Variants in CSNK2A2 observed in about 807,000 individuals in gnomAD.
The protein encoded by CSNK2A2 is casein kinase II subunit alpha'.
In CSNK2A2, 8 loss-of-function variants were observed where a neutral mutation model predicts 54.0. The observed-to-expected ratio is 0.15, with a 90% CI of 0.09 to 0.27. CSNK2A2 has a LOEUF of 0.27. Ranked by LOEUF, CSNK2A2 falls within the 10% of genes least tolerant of loss-of-function variation. The probability of loss-of-function intolerance (pLI) is 1.00; values close to 1 mark genes in which losing one functional copy is unlikely to be tolerated. For synonymous variants in CSNK2A2, 141 were observed against 153.9 expected (o/e 0.92, Z 0.62); for missense variants, 242 against 439.4 (o/e 0.55, Z 4.02).
At chr16:58,177,984 A>G (rs1961924639) in intron 4 of CSNK2A2, among the ~76,000 whole-genome samples, 1 of 152,226 alleles carries the variant, frequency 6.6e-6, no homozygotes, top group African/African-American at 2.4e-5. Flanking sequence ...TTTTCCTACA[A>G]GGAAATGACA....
intron 11 of CSNK2A2, chr16:58,162,922 A>G (rs2142405157): frequency 6.6e-6 from 1 of 152,270 alleles, no homozygotes; most frequent in Middle Eastern, 3.4e-3. Flanking sequence ...CTGCCCACAC[A>G]ACTCTAGTAC....
At chr16:58,187,808 A>G (rs1962228142) in intron 2 of CSNK2A2, among the ~76,000 whole-genome samples, 1 of 152,254 alleles carries the variant, frequency 6.6e-6, no homozygotes. Context: ...AAGATCACAG[A>G]GCCCATGGCA....
At chr16:58,173,782 C>G (rs1961802809) in intron 5 of CSNK2A2, among the ~76,000 whole-genome samples, 1 of 152,212 alleles carries the variant, frequency 6.6e-6, no homozygotes, top group South Asian at 2.1e-4. Flanking sequence ...CTTTTCCCAT[C>G]AAGAGTGGAG....
At chr16:58,180,461 A>G (rs1962007383) in intron 4 of CSNK2A2, among the ~76,000 whole-genome samples, 2 of 151,984 alleles carry the variant, frequency 1.3e-5, no homozygotes, top group African/African-American at 4.8e-5. Flanking sequence ...AATAAAATAT[A>G]TATTATCCAA....
chr16:58,168,088 T>C (rs963222206), intron 6 of CSNK2A2, among the ~76,000 whole-genome samples: 1 of 152,178 alleles, frequency 6.6e-6, no homozygotes, highest in Non-Finnish European at 1.5e-5. Flanking sequence ...CAGTTACACT[T>C]GGTAACACAT....
At position 58,197,124 on chromosome 16, in the gene CSNK2A2, G is replaced by A. The variant is rs1340827946; in HGVS notation, c.105-280C>T. 1 of 414,908 alleles carries A rather than the reference G, an allele frequency of 2.4e-6. No homozygotes were observed. The highest frequency in any genetic ancestry group is 4.6e-5 in the East Asian group (1 of 21,650). 25.7% of individuals were successfully genotyped at this position (414,908 alleles called of 1,614,324 possible). A position where few individuals can be genotyped will look rare whatever the true frequency, so the allele number is the denominator to read the frequency against. Reference sequence around the variant, plus strand: ...GGCGAGCAAAGCACCCGTCCTGAAGGCCTAGAGGGTGCCCCCTGTGCCCCG... The same window carrying A: ...GGCGAGCAAAGCACCCGTCCTGAAGACCTAGAGGGTGCCCCCTGTGCCCCG... On this transcript the variant is annotated intron_variant, in intron 1 of 11. Coordinates refer to ENST00000262506, the MANE Select transcript of CSNK2A2 (RefSeq NM_001896.4). This position sits in a 1 kb window ranked among gnomAD's most constrained non-coding sequence, Gnocchi z 4.0.
At chr16:58,188,195 C>A (rs535607922) in intron 2 of CSNK2A2, among the ~76,000 whole-genome samples, 90 of 152,166 alleles carry the variant, frequency 5.9e-4, no homozygotes, top group Non-Finnish European at 1.2e-3. Flanking sequence ...TAACAGGGGG[C>A]TCAACTGACA....
At chr16:58,167,842 G>A (rs367693593) in intron 6 of CSNK2A2, 47 bp from the exon 7 acceptor site, 6 of 1,456,080 alleles carry the variant, frequency 4.1e-6, no homozygotes, top group East Asian at 2.3e-5. Context: ...GTTTCTAGAC[G>A]CCTATGCCTT....
intron 6 of CSNK2A2, among the ~76,000 whole-genome samples, chr16:58,168,167 C>T (rs1379580032): frequency 6.6e-6 from 1 of 152,060 alleles, no homozygotes; most frequent in African/African-American, 2.4e-5. Flanking sequence ...ACACACATCC[C>T]ACTCCAGGAC....
chr16:58,173,734 T>C (rs1167167287), intron 5 of CSNK2A2, among the ~76,000 whole-genome samples: 1 of 152,256 alleles, frequency 6.6e-6, no homozygotes, highest in African/African-American at 2.4e-5. Context: ...GCCACCCCTG[T>C]AGGCATGTCT....
At chr16:58,173,254 T>C (rs1163845582) in intron 5 of CSNK2A2, among the ~76,000 whole-genome samples, 1 of 152,210 alleles carries the variant, frequency 6.6e-6, no homozygotes, top group Non-Finnish European at 1.5e-5. Flanking sequence ...GGAAGACCCA[T>C]TAGCCATAAG....
At chr16:58,161,781 C>T (rs1961382704) in intron 11 of CSNK2A2, 1 of 152,160 alleles carries the variant, frequency 6.6e-6, no homozygotes, top group African/African-American at 2.4e-5. Context: ...ATTTCAAGCC[C>T]AGTTATGGTC....
chr16:58,170,814 T>C (rs1961713687), intron 5 of CSNK2A2, among the ~76,000 whole-genome samples: 2 of 152,164 alleles, frequency 1.3e-5, no homozygotes, highest in South Asian at 4.1e-4. Flanking sequence ...CAATCATTTA[T>C]TAGATTGTTA....
At chr16:58,191,758 T>C (rs899693266) in intron 2 of CSNK2A2, among the ~76,000 whole-genome samples, 1 of 152,222 alleles carries the variant, frequency 6.6e-6, no homozygotes, top group Non-Finnish European at 1.5e-5. Flanking sequence ...CCCTTTCTAC[T>C]ATTGGTTCTG....
At chr16:58,191,216 G>T (rs1962313339) in intron 2 of CSNK2A2, among the ~76,000 whole-genome samples, 1 of 152,116 alleles carries the variant, frequency 6.6e-6, no homozygotes, top group African/African-American at 2.4e-5. Flanking sequence ...AAATGGGGGA[G>T]GGAGAAATAG....
chr16:58,181,458 G>A (rs1043913627), intron 4 of CSNK2A2, among the ~76,000 whole-genome samples: 5 of 152,304 alleles, frequency 3.3e-5, no homozygotes, highest in African/African-American at 1.2e-4. Context: ...GCATCCTTGA[G>A]ACAGGGGCTG....
rs1389942268 is a variant in CSNK2A2 at position 58,197,562 on chromosome 16, T to G, written c.104+71A>C. 4.7e-6 allele frequency: 5 copies of G among 1,059,778 alleles called. No homozygotes were observed. Among genetic ancestry groups the G allele is most frequent in the Non-Finnish European group, 6.7e-6 (5 of 747,358 alleles). 65.6% of individuals were successfully genotyped at this position (1,059,778 alleles called of 1,614,324 possible). ...GGCGGGAGACACCACCGGGCCCGAG[T>G]GCGGTTCGCAGGGGGTGGCCGGGCG... On this transcript the variant is annotated intron_variant, in intron 1 of 11. Coordinates refer to ENST00000262506, the MANE Select transcript of CSNK2A2 (RefSeq NM_001896.4). This position sits in a 1 kb window ranked among gnomAD's most constrained non-coding sequence, Gnocchi z 4.0.
chr16:58,185,722 T>G (rs1349816893), intron 3 of CSNK2A2, among the ~76,000 whole-genome samples: 1 of 152,228 alleles, frequency 6.6e-6, no homozygotes, highest in African/African-American at 2.4e-5. Context: ...CAACCATCCC[T>G]TCCCTTCTCA....
chr16:58,197,609 G>T lies in CSNK2A2; in HGVS notation c.104+24C>A. On this transcript the variant is annotated intron_variant, in intron 1 of 11. Transcript: ENST00000262506. This position sits in a 1 kb window ranked among gnomAD's most constrained non-coding sequence, Gnocchi z 4.0. Reference sequence around the variant, plus strand: ...GGCGGGGGCAGGGATCAGCGGGCCCGGCGGGGGGCGGCGACGGCTTTACCC... The same window carrying T: ...GGCGGGGGCAGGGATCAGCGGGCCCTGCGGGGGGCGGCGACGGCTTTACCC... 1.3e-6 allele frequency: 2 copies of T among 1,504,890 alleles called. No individual in the cohort carries two copies. Among genetic ancestry groups the T allele is most frequent in the South Asian group, 1.2e-5 (1 of 82,772 alleles). 93.2% of individuals were successfully genotyped at this position (1,504,890 alleles called of 1,614,324 possible).
Sources: gnomAD v4.1 joint callset for allele counts (sites outside exome capture counted in the v4.1 genomes callset) on GRCh38, gnomAD v4.1.1 for gene constraint, Gnocchi (gnomAD v3.1) non-coding constraint, MANE v1.5 for transcripts, NCBI Gene and HGNC (gene_info 2026-07-23, HGNC 2026-07-21) for gene names.